Variants in CFAP161 observed in about 807,000 individuals in gnomAD.
CFAP161 encodes the protein cilia- and flagella-associated protein 161.
CFAP161 carries 25 observed loss-of-function variants against 29.0 expected under a neutral mutation model. That is an observed-to-expected ratio of 0.86 (90% CI 0.63 to 1.20). CFAP161 has a LOEUF of 1.20. Ranked by LOEUF, CFAP161 falls within the 50% of genes most tolerant of loss-of-function variation. The probability of loss-of-function intolerance (pLI) is 0.00; values close to 1 mark genes in which losing one functional copy is unlikely to be tolerated. For synonymous variants in CFAP161, 116 were observed against 137.4 expected (o/e 0.84, Z 1.09); for missense variants, 367 against 371.9 (o/e 0.99, Z 0.11).
chr15:81,145,099 A>G (rs77885383), intron 5 of CFAP161, among the ~76,000 whole-genome samples: 2,118 of 152,280 alleles, frequency 0.014, 44 homozygotes, highest in African/African-American at 0.048. Flanking sequence ...AATTAGTAGC[A>G]AGCATGGCCA....
intron 1 of CFAP161, among the ~76,000 whole-genome samples, chr15:81,113,008 A>T (rs115583197): frequency 0.033 from 5,051 of 152,306 alleles, 254 homozygotes; most frequent in African/African-American, 0.11. Flanking sequence ...TAAATTTAAA[A>T]CTTGATATAA....
At chr15:81,108,284 A>G (rs1894398622) in intron 1 of CFAP161, among the ~76,000 whole-genome samples, 2 of 152,168 alleles carry the variant, frequency 1.3e-5, no homozygotes, top group Non-Finnish European at 2.9e-5. Flanking sequence ...TCTGAATCTT[A>G]TATTCAATAT....
At chr15:81,108,590 A>C (rs1894403556) in intron 1 of CFAP161, among the ~76,000 whole-genome samples, 1 of 152,148 alleles carries the variant, frequency 6.6e-6, no homozygotes, top group South Asian at 2.1e-4. Flanking sequence ...GTGGTTTTCA[A>C]TCTATGCTCT....
Position 81,136,707 on chromosome 15 carries a change from A to G in CFAP161, c.351A>G (p.Gln117=), listed in dbSNP as rs1435536379. 2 of 1,614,162 alleles carry G rather than the reference A, an allele frequency of 1.2e-6. No homozygotes were observed. The highest frequency in any genetic ancestry group is 1.7e-6 in the Non-Finnish European group (2 of 1,180,034). ...LEVPCGLSAV[Q]AKTPIGRNTF... ...TACCCTGTGGCCTGAGCGCAGTTCAAGCCAAGACCCCAATTGGCAGAAACA... is the reference window on the plus strand; with the variant it reads ...TACCCTGTGGCCTGAGCGCAGTTCAGGCCAAGACCCCAATTGGCAGAAACA... Residue 117 remains glutamine (Q), a synonymous_variant, in exon 3 of 7, where the codon CAA becomes CAG. Coordinates refer to ENST00000286732, the MANE Select transcript of CFAP161 (RefSeq NM_173528.4).
rs755411968 is a variant in CFAP161, at chr15:81,134,342, G to C, written c.13G>C (p.Val5Leu). The stretch of plus-strand genomic sequence containing the variant: ...ACAGCAGGGAGCGATGGCGCAGAAC[G>C]TGTATGGTCCGGGAGTCCGGATAGG... MAQN[V>L]YGPGVRIGNW... The change falls in exon 1 of 7, where the codon GTG becomes CTG. Residue 5 changes from valine to leucine, a missense_variant. By Grantham distance (32) the Val-to-Leu change is conservative (BLOSUM62 1). Coordinates refer to ENST00000286732, the MANE Select transcript of CFAP161 (RefSeq NM_173528.4). The C allele has an allele frequency of 4.4e-6, 7 of 1,589,664 alleles. No individual in the cohort carries two copies. The highest frequency in any genetic ancestry group is 1.7e-4 in the Middle Eastern group (1 of 6,052).
chr15:81,115,495 A>G (rs1894486244), intron 1 of CFAP161, among the ~76,000 whole-genome samples: 1 of 152,248 alleles, frequency 6.6e-6, no homozygotes, highest in African/African-American at 2.4e-5. Context: ...CAAGTCTGCT[A>G]GAATCCATTA....
intron 2 of CFAP161, among the ~76,000 whole-genome samples, chr15:81,135,724 C>T (rs1177780160): frequency 6.6e-6 from 1 of 152,068 alleles, no homozygotes; most frequent in Non-Finnish European, 1.5e-5. Flanking sequence ...GCATAGTATT[C>T]CATGGTGTAT....
intron 1 of CFAP161, chr15:81,118,271 C>T (rs1406151576): frequency 1.9e-6 from 1 of 518,478 alleles, no homozygotes; most frequent in Admixed American, 2.8e-5. Context: ...TCTAAGTTCA[C>T]AAATTCAGCT....
At chr15:81,134,058 C>T (rs1595916351), upstream of CFAP161, among the ~76,000 whole-genome samples, 1 of 152,324 alleles carries the variant, frequency 6.6e-6, no homozygotes, top group Middle Eastern at 3.4e-3. Context: ...AAATTTCTCT[C>T]TCGGAAGCAC....
intron 3 of CFAP161, 39 bp from the exon 4 acceptor site, chr15:81,138,012 A>G: frequency 7.0e-7 from 1 of 1,438,554 alleles, no homozygotes; most frequent in Non-Finnish European, 9.7e-7. Flanking sequence ...TCTAATACAG[A>G]GAGTTTACAT....
chr15:81,142,179 C>T (rs1011556382), intron 4 of CFAP161, among the ~76,000 whole-genome samples: 1 of 152,034 alleles, frequency 6.6e-6, no homozygotes, highest in African/African-American at 2.4e-5. Context: ...CCAGTGCAGC[C>T]CCTCAGCAAC....
chr15:81,121,600 T>C (rs1478288860), intron 1 of CFAP161, among the ~76,000 whole-genome samples: 1 of 152,142 alleles, frequency 6.6e-6, no homozygotes, highest in Non-Finnish European at 1.5e-5. Context: ...ACCTTAAATT[T>C]TTAGCAAAAA....
intron 4 of CFAP161, 104 bp from the exon 5 acceptor site, chr15:81,143,558 G>A (rs1170280609): frequency 7.8e-7 from 1 of 1,280,114 alleles, no homozygotes; most frequent in Non-Finnish European, 1.1e-6. Context: ...GAGTTTTTGA[G>A]AACTGCTTTG....
chr15:81,106,912 A>G (rs1280035670), intron 1 of CFAP161, among the ~76,000 whole-genome samples: 1 of 152,132 alleles, frequency 6.6e-6, no homozygotes, highest in East Asian at 1.9e-4. Context: ...CAAAATATTT[A>G]AAAATTAGCC....
At position 81,135,322 on chromosome 15, in the gene CFAP161, A is replaced by G; in HGVS notation, c.122A>G (p.Gln41Arg). 6.3e-7 allele frequency: 1 copy of G among 1,599,668 alleles called. No individual in the cohort carries two copies. Among genetic ancestry groups the G allele is most frequent in the Non-Finnish European group, 8.5e-7 (1 of 1,176,322 alleles). The change falls in exon 2 of 7, where the codon CAG becomes CGG. Residue 41 changes from glutamine to arginine, a missense_variant. By Grantham distance (43) the Gln-to-Arg change is conservative (BLOSUM62 1). Coordinates refer to ENST00000286732, the MANE Select transcript of CFAP161 (RefSeq NM_173528.4). The stretch of plus-strand genomic sequence containing the variant: ...AGAGACAAGGGGAAACTTCTCATAC[A>G]GAGAAGTAGAAGACTAAAACAGAAT... ...EKRDKGKLLI[Q>R]RSRRLKQNLL...
chr15:81,115,472 A>C (rs1818123416), intron 1 of CFAP161, among the ~76,000 whole-genome samples: 1 of 152,144 alleles, frequency 6.6e-6, no homozygotes, highest in Non-Finnish European at 1.5e-5. Context: ...GGTTGGAGGA[A>C]GTGGCTTTAA....
chr15:81,140,781 T>C (rs2141882263), intron 4 of CFAP161, among the ~76,000 whole-genome samples: 1 of 152,216 alleles, frequency 6.6e-6, no homozygotes, highest in East Asian at 1.9e-4. Flanking sequence ...GAGACGGAGT[T>C]TCGCCATGTT....
intron 1 of CFAP161, among the ~76,000 whole-genome samples, chr15:81,121,708 A>G (rs1174976442): frequency 6.6e-6 from 1 of 151,926 alleles, no homozygotes; most frequent in Non-Finnish European, 1.5e-5. Flanking sequence ...CCCATAACAT[A>G]TTTTTTTTAA....
Position 81,125,012 on chromosome 15 carries a change from A to T in CFAP161, c.-141-2578A>T, listed in dbSNP as rs555227581. Among the ~76,000 whole-genome samples the T allele has an allele frequency of 1.1e-3, 166 of 151,896 alleles. 1 individual carries two copies. The highest frequency in any genetic ancestry group is 3.8e-3 in the African/African-American group (156 of 41,480). On this transcript the variant is annotated intron_variant, in intron 1 of 4. Coordinates refer to the CFAP161 transcript ENST00000560091. ...AAAAAATTTTTTTTATTTGGAAATG[A>T]CCCAGGCATAGATACCAGAGTATCT... is the stretch of plus-strand genomic sequence containing the variant.
Sources: gnomAD v4.1 joint callset for allele counts (sites outside exome capture counted in the v4.1 genomes callset) on GRCh38, gnomAD v4.1.1 for gene constraint, MANE v1.5 for transcripts, NCBI Gene and HGNC (gene_info 2026-07-23, HGNC 2026-07-21) for gene names.